Variants in CRADD observed in about 807,000 individuals in gnomAD.
CRADD encodes CARD and death domain containing adaptor protein, also known as death domain-containing protein CRADD.
CRADD carries 9 observed loss-of-function variants against 15.5 expected under a neutral mutation model. The ratio of observed to expected loss-of-function variants is 0.58; its 90% CI spans 0.35 to 1.01. CRADD has a LOEUF of 1.01. Ranked by LOEUF, CRADD falls within the 50% of genes least tolerant of loss-of-function variation. The probability of loss-of-function intolerance (pLI) is 0.02; values close to 1 mark genes in which losing one functional copy is unlikely to be tolerated. For missense variants in CRADD, 227 were observed against 250.3 expected (o/e 0.91, Z 0.63); for synonymous variants, 118 against 107.6 (o/e 1.10, Z -0.60).
At chr12:93,799,184 G>A (rs1313747169) in intron 2 of CRADD, among the ~76,000 whole-genome samples, 1 of 152,094 alleles carries the variant, frequency 6.6e-6, no homozygotes, top group Non-Finnish European at 1.5e-5. Context: ...TGAGAACTAG[G>A]TATTTTTATG....
intron 2 of CRADD, among the ~76,000 whole-genome samples, chr12:93,696,722 C>T (rs569440139): frequency 2.1e-4 from 32 of 149,950 alleles, no homozygotes; most frequent in South Asian, 4.2e-4. Flanking sequence ...ATGGATTCAA[C>T]CAACCACAAA....
intron 2 of CRADD, among the ~76,000 whole-genome samples, chr12:93,885,356 C>T (rs757304372): frequency 4.2e-4 from 64 of 152,172 alleles, no homozygotes; most frequent in Non-Finnish European, 8.2e-4. Context: ...CAGGAGGGAA[C>T]TTGGAAACAT....
At chr12:93,842,919 C>G (rs866773753) in intron 2 of CRADD, among the ~76,000 whole-genome samples, 1 of 151,930 alleles carries the variant, frequency 6.6e-6, no homozygotes, top group African/African-American at 2.4e-5. Context: ...CTTTTGAAAC[C>G]GACGAGTTTC....
At chr12:93,795,600 C>T (rs1957405969) in intron 2 of CRADD, among the ~76,000 whole-genome samples, 4 of 152,150 alleles carry the variant, frequency 2.6e-5, no homozygotes, top group Non-Finnish European at 4.4e-5. Context: ...GATCTGTTGG[C>T]TCCATTCACT....
intron 2 of CRADD, among the ~76,000 whole-genome samples, chr12:93,876,023 G>T (rs894506329): frequency 2.0e-5 from 3 of 151,966 alleles, no homozygotes; most frequent in Non-Finnish European, 4.4e-5. Context: ...GCTTTTATTT[G>T]TCTGGGAATG....
intron 2 of CRADD, among the ~76,000 whole-genome samples, chr12:93,825,545 T>G (rs950821554): frequency 2.0e-5 from 3 of 152,242 alleles, no homozygotes; most frequent in Non-Finnish European, 4.4e-5. Context: ...GAAGGGGCTG[T>G]GTTGGAAACT....
chr12:93,788,650 C>T (rs1957310271), intron 2 of CRADD, among the ~76,000 whole-genome samples: 1 of 152,154 alleles, frequency 6.6e-6, no homozygotes, highest in Non-Finnish European at 1.5e-5. Flanking sequence ...GTCTAGTTGT[C>T]TAGATATCCT....
intron 2 of CRADD, among the ~76,000 whole-genome samples, chr12:93,847,336 A>G (rs1178648989): frequency 6.6e-6 from 1 of 150,970 alleles, no homozygotes; most frequent in Non-Finnish European, 1.5e-5. Context: ...TATAATTTAA[A>G]ATTATGAATA....
intron 2 of CRADD, among the ~76,000 whole-genome samples, chr12:93,756,420 C>G (rs1956890705): frequency 6.6e-6 from 1 of 152,196 alleles, no homozygotes; most frequent in East Asian, 1.9e-4. Flanking sequence ...TGTTGTAAGA[C>G]TTAGGCCCAT....
chr12:93,722,733 A>C (rs1956286821), intron 2 of CRADD, among the ~76,000 whole-genome samples: 1 of 152,028 alleles, frequency 6.6e-6, no homozygotes. Flanking sequence ...TTGCATGCTG[A>C]CTATCTATTA....
chr12:93,740,924 C>A (rs559305055), intron 2 of CRADD, among the ~76,000 whole-genome samples: 1 of 152,276 alleles, frequency 6.6e-6, no homozygotes, highest in East Asian at 1.9e-4. Context: ...GTGAGTCCTG[C>A]AGATTCCGGC....
chr12:93,768,809 G>T (rs1329119364), intron 2 of CRADD, among the ~76,000 whole-genome samples: 3 of 152,072 alleles, frequency 2.0e-5, no homozygotes, highest in Non-Finnish European at 4.4e-5. Flanking sequence ...AATATTCCCA[G>T]TACCCCCAGA....
intron 2 of CRADD, among the ~76,000 whole-genome samples, chr12:93,777,477 A>G (rs1028522233): frequency 6.6e-6 from 1 of 152,204 alleles, no homozygotes; most frequent in Non-Finnish European, 1.5e-5. Flanking sequence ...GGTCAGAGAG[A>G]GGAAGCTGAG....
intron 2 of CRADD, among the ~76,000 whole-genome samples, chr12:93,806,200 TC>T (rs1306173696): frequency 3.9e-5 from 6 of 151,972 alleles, no homozygotes; most frequent in African/African-American, 1.4e-4. Flanking sequence ...ATGCCTGTAA[TC>T]CCAGCACTTT....
rs557222355 is a variant in CRADD, at chr12:93,842,808, C to T, written c.299-7162C>T. 2.4e-4 allele frequency among the ~76,000 whole-genome samples: 6 copies of T among 25,184 alleles called. 1 individual carries two copies. The highest frequency in any genetic ancestry group is 1.5e-3 in the East Asian group (1 of 678). 16.5% of individuals were successfully genotyped at this position (25,184 alleles called of 152,430 possible). A position where few individuals can be genotyped will look rare whatever the true frequency, so the allele number is the denominator to read the frequency against. On this transcript the variant is annotated intron_variant, in intron 2 of 2. Transcript: ENST00000332896. ...GGAGGGGCGAGAGAATAAGTTAAGT[C>T]AGGGCGGGGGTGGGGGAGAGTAGGG...
At chr12:93,840,271 A>G (rs1176014364) in intron 2 of CRADD, among the ~76,000 whole-genome samples, 2 of 152,196 alleles carry the variant, frequency 1.3e-5, no homozygotes, top group African/African-American at 4.8e-5. Flanking sequence ...AATTTTCCCC[A>G]TGAAGGTCTT....
At chr12:93,730,603 T>C (rs1359543928) in intron 2 of CRADD, among the ~76,000 whole-genome samples, 1 of 152,116 alleles carries the variant, frequency 6.6e-6, no homozygotes, top group Non-Finnish European at 1.5e-5. Flanking sequence ...GTATTGTTTA[T>C]AAAAGCAAAA....
intron 2 of CRADD, among the ~76,000 whole-genome samples, chr12:93,777,594 G>A (rs1312399640): frequency 1.3e-5 from 2 of 152,150 alleles, no homozygotes; most frequent in Non-Finnish European, 2.9e-5. Flanking sequence ...TAGCAATTAA[G>A]CTCTTTCTAT....
At chr12:93,849,111 C>A (rs1447095382) in intron 2 of CRADD, 4 of 152,254 alleles carry the variant, frequency 2.6e-5, no homozygotes, top group African/African-American at 4.8e-5. Context: ...TCAAGTTCAA[C>A]CTCATCGGCG....
Sources: gnomAD v4.1 joint callset for allele counts (sites outside exome capture counted in the v4.1 genomes callset) on GRCh38, gnomAD v4.1.1 for gene constraint, MANE v1.5 for transcripts, NCBI Gene and HGNC (gene_info 2026-07-23, HGNC 2026-07-21) for gene names.